The following SYN3 variants were observed in gnomAD, a reference collection of about 807,000 sequenced individuals.
The protein encoded by SYN3 is synapsin III, also known as synapsin-3.
Under a neutral mutation model 65.8 loss-of-function variants are expected in SYN3, and 35 were observed. That is an observed-to-expected ratio of 0.53 (90% CI 0.41 to 0.70). The LOEUF (loss-of-function observed/expected upper bound fraction) is 0.70. Among genes scored for constraint, SYN3 ranks in the 30% least tolerant of loss-of-function variants. The pLI, the probability that SYN3 is intolerant of heterozygous loss-of-function variation, is 0.00. For synonymous variants in SYN3, 270 were observed against 292.9 expected (o/e 0.92, Z 0.80); for missense variants, 680 against 749.0 (o/e 0.91, Z 1.08).
In SYN3 at chr22:32,561,843, G is replaced by C. The variant is rs1282995208; in HGVS notation, c.775-20130C>G. On this transcript the variant is annotated intron_variant, in intron 7 of 13. Transcript: ENST00000358763. ...GGCCCAACGCTGCCTCCAAGGCTTGGGGGAGGCAAATCTGTCTCATTCTGG... is the reference window on the plus strand; with the variant it reads ...GGCCCAACGCTGCCTCCAAGGCTTGCGGGAGGCAAATCTGTCTCATTCTGG... 2.0e-5 allele frequency among the ~76,000 whole-genome samples: 3 copies of C among 152,214 alleles called. No homozygotes were observed. The South Asian group carries it at 6.2e-4, about 32-fold the overall frequency.
chr22:32,913,583 G>C (rs1317111568), intron 4 of SYN3, among the ~76,000 whole-genome samples: 2 of 152,112 alleles, frequency 1.3e-5, no homozygotes, highest in Admixed American at 1.3e-4. Flanking sequence ...TTCTTGCTGG[G>C]CTCTTAGGGG....
intron 6 of SYN3, among the ~76,000 whole-genome samples, chr22:32,667,192 C>T (rs923329777): frequency 3.3e-5 from 5 of 151,812 alleles, no homozygotes; most frequent in Admixed American, 6.6e-5. Flanking sequence ...CTCCCTCACT[C>T]GCTCACTCCT....
At chr22:32,566,690 G>A (rs1308485114) in intron 7 of SYN3, among the ~76,000 whole-genome samples, 1 of 152,188 alleles carries the variant, frequency 6.6e-6, no homozygotes, top group Non-Finnish European at 1.5e-5. Context: ...GAGCTGGAGA[G>A]AATGGAGACA....
chr22:32,693,667 C>T (rs1216674467), intron 6 of SYN3, among the ~76,000 whole-genome samples: 1 of 137,362 alleles, frequency 7.3e-6, no homozygotes, highest in Non-Finnish European at 1.5e-5. Context: ...TCTTGGCTCA[C>T]TGCAATTCCA....
chr22:32,963,478 G>A (rs1215396924), intron 3 of SYN3, among the ~76,000 whole-genome samples: 2 of 152,030 alleles, frequency 1.3e-5, no homozygotes, highest in Admixed American at 6.6e-5. Flanking sequence ...GGAGAGTTAG[G>A]TTCTAGAGAG....
At chr22:32,514,077 C>T (rs961071533) in intron 13 of SYN3, among the ~76,000 whole-genome samples, 5 of 152,178 alleles carry the variant, frequency 3.3e-5, no homozygotes, top group Non-Finnish European at 7.3e-5. Context: ...CCGGTCCTCA[C>T]AGCAAGTAAT....
intron 6 of SYN3, among the ~76,000 whole-genome samples, chr22:32,643,085 T>C (rs2059926597): frequency 6.6e-6 from 1 of 152,112 alleles, no homozygotes; most frequent in African/African-American, 2.4e-5. Context: ...TTGTTTTTTG[T>C]TTTTGTTTTT....
intron 6 of SYN3, among the ~76,000 whole-genome samples, chr22:32,739,893 A>G (rs1275745968): frequency 6.6e-6 from 1 of 152,262 alleles, no homozygotes; most frequent in Non-Finnish European, 1.5e-5. Flanking sequence ...CGTCAAGCCC[A>G]GAACAAGTGA....
At chr22:33,029,332 C>T (rs2053708210) in intron 1 of SYN3, among the ~76,000 whole-genome samples, 1 of 152,010 alleles carries the variant, frequency 6.6e-6, no homozygotes, top group African/African-American at 2.4e-5. Flanking sequence ...AGGCCACCAC[C>T]TCCAACTTTT....
chr22:32,780,943 T>TTCCTTCCTTCCTTCCTTCCG (rs2046032519), intron 6 of SYN3, among the ~76,000 whole-genome samples: 1 of 64,116 alleles, frequency 1.6e-5, no homozygotes, highest in African/African-American at 6.0e-5. Context: ...CTTTCCTTCC[T>TTCCTTCCTTCCTTCCTTCCG]TCCTTCCTTC....
At position 32,571,485 on chromosome 22, in the gene SYN3, C is replaced by T. The variant is rs140559224; in HGVS notation, c.774+25189G>A. ...ACTCCATCTATCATTTTGGCCAGGG[C>T]TTCCTAACCTGTGAAGCAACTCAGC... On this transcript the variant is annotated intron_variant, in intron 7 of 13. Coordinates refer to ENST00000358763, the MANE Select transcript of SYN3 (RefSeq NM_003490.4). Among the ~76,000 whole-genome samples the T allele has an allele frequency of 2.6e-5, 4 of 152,338 alleles. No individual in the cohort carries two copies. In the East Asian group the frequency reaches 7.7e-4, roughly 29 times the overall value.
intron 6 of SYN3, among the ~76,000 whole-genome samples, chr22:32,841,545 C>G (rs2047902747): frequency 6.6e-6 from 1 of 152,080 alleles, no homozygotes; most frequent in Non-Finnish European, 1.5e-5. Context: ...GGCCTGTTAT[C>G]TGGAGCTCAG....
intron 6 of SYN3, among the ~76,000 whole-genome samples, chr22:32,757,540 G>A (rs538361761): frequency 6.6e-5 from 10 of 152,008 alleles, no homozygotes; most frequent in East Asian, 3.9e-4. Flanking sequence ...CAGGTGATCC[G>A]CCAGCCTTGG....
intron 6 of SYN3, among the ~76,000 whole-genome samples, chr22:32,599,482 C>T (rs905468257): frequency 5.3e-5 from 8 of 151,892 alleles, no homozygotes; most frequent in South Asian, 2.1e-4. Flanking sequence ...CCACCATGCC[C>T]GGCTAATTTT....
At chr22:32,551,566 A>G (rs943679353) in intron 7 of SYN3, among the ~76,000 whole-genome samples, 1 of 152,092 alleles carries the variant, frequency 6.6e-6, no homozygotes, top group Non-Finnish European at 1.5e-5. Context: ...GTTATAGATC[A>G]TAAGAGGCTT....
chr22:32,595,641 C>T (rs2059188147), intron 7 of SYN3, among the ~76,000 whole-genome samples: 1 of 152,164 alleles, frequency 6.6e-6, no homozygotes, highest in African/African-American at 2.4e-5. Flanking sequence ...TTTGGGTCCC[C>T]ACCCAAATCT....
At chr22:32,650,318 G>C (rs1160782300) in intron 6 of SYN3, among the ~76,000 whole-genome samples, 4 of 139,262 alleles carry the variant, frequency 2.9e-5, no homozygotes, top group Non-Finnish European at 6.0e-5. Flanking sequence ...CCAGGCTGGA[G>C]TGCAGTGGAG....
intron 2 of SYN3, among the ~76,000 whole-genome samples, chr22:32,998,791 A>AAAAAAAAAAAAAAAAAAAAAC: frequency 7.0e-6 from 1 of 142,254 alleles, no homozygotes. Context: ...AAAAAAAAAA[A>AAAAAAAAAAAAAAAAAAAAAC]AAAAAAAACA....
chr22:32,816,532 TGAG>T (rs1182397896), intron 6 of SYN3, among the ~76,000 whole-genome samples: 3 of 152,132 alleles, frequency 2.0e-5, no homozygotes, highest in African/African-American at 7.2e-5. Flanking sequence ...TTATTTTTGG[TGAG>T]GAGAACAGCA....
Sources: allele counts gnomAD v4.1 joint callset (sites outside exome capture counted in the v4.1 genomes callset), GRCh38; gene constraint gnomAD v4.1.1; transcripts MANE v1.5; gene names NCBI Gene and HGNC (gene_info 2026-07-23, HGNC 2026-07-21).